Variants in DLEC1 observed in about 807,000 individuals in gnomAD.
The protein encoded by DLEC1 is DLEC1 cilia and flagella associated protein.
A neutral mutation model predicts 198.1 loss-of-function variants in DLEC1; 146 were observed. The observed-to-expected ratio is 0.74, with a 90% CI of 0.64 to 0.85. DLEC1 has a LOEUF of 0.85. Ranked by LOEUF, DLEC1 falls within the 40% of genes least tolerant of loss-of-function variation. DLEC1 has a pLI of 0.00. For missense variants in DLEC1, 2,233 were observed against 2,220.0 expected, an observed-to-expected ratio of 1.01 and a Z score of -0.12; for synonymous variants, 897 against 866.8, an observed-to-expected ratio of 1.03 and a Z score of -0.61.
chr3:38,109,446 T>C lies in DLEC1; in HGVS notation c.3144T>C (p.His1048=), dbSNP rs139466409. The part of the protein sequence containing the change: ...LTAHTQEELT[H]LALPCHVSGM... ...CTTTCTTATAGGAAGAGCTGACCCA[T>C]CTGGCCCTCCCTTGTCACGTGTCAG... Residue 1048 remains histidine, a synonymous_variant, in exon 22 of 37, where the codon CAT becomes CAC. Coordinates refer to ENST00000308059, the MANE Select transcript of DLEC1 (RefSeq NM_007335.4). 1.9e-6 allele frequency: 3 copies of C among 1,614,172 alleles called. No homozygotes were observed. The highest frequency in any genetic ancestry group is 2.5e-6 in the Non-Finnish European group (3 of 1,180,000).
At chr3:38,101,617 A>G (rs72867209) in intron 19 of DLEC1, among the ~76,000 whole-genome samples, 15,189 of 152,160 alleles carry the variant, frequency 0.1, 957 homozygotes, top group East Asian at 0.2. Context: ...ATGCTCTTGA[A>G]TTATCCTCCA....
At chr3:38,056,272 C>T (rs948848986) in intron 2 of DLEC1, among the ~76,000 whole-genome samples, 1 of 150,386 alleles carries the variant, frequency 6.6e-6, no homozygotes, top group Non-Finnish European at 1.5e-5. Flanking sequence ...CAAAAAAAAA[C>T]AATACTGTAG....
intron 19 of DLEC1, 72 bp from the exon 20 acceptor site, chr3:38,107,512 G>T: frequency 7.1e-7 from 1 of 1,414,172 alleles, no homozygotes; most frequent in East Asian, 2.6e-5. Context: ...TAGACTGCAT[G>T]TCATCTAGAA....
intron 6 of DLEC1, among the ~76,000 whole-genome samples, chr3:38,081,857 T>A (rs1575164170): frequency 8.7e-6 from 1 of 114,694 alleles, no homozygotes. Flanking sequence ...CCCCCCCACC[T>A]CCCTCCCGGA....
intron 11 of DLEC1, among the ~76,000 whole-genome samples, chr3:38,093,109 C>G (rs1439422154): frequency 2.6e-5 from 4 of 152,206 alleles, no homozygotes. Flanking sequence ...AAGGAGCCTT[C>G]TAGCAAGAGA....
chr3:38,059,302 G>A (rs753206936), intron 2 of DLEC1, among the ~76,000 whole-genome samples: 1 of 152,220 alleles, frequency 6.6e-6, no homozygotes, highest in Non-Finnish European at 1.5e-5. Context: ...AGGCTCAGCT[G>A]CACAAGTGCA....
rs1490957391 is a variant in DLEC1, at chr3:38,117,240, C to A, written c.4338C>A (p.Arg1446=). 3.7e-6 allele frequency: 6 copies of A among 1,614,030 alleles called. No individual in the cohort carries two copies. Among genetic ancestry groups the A allele is most frequent in the Non-Finnish European group, 5.1e-6 (6 of 1,180,008 alleles). ...GGGAGATTCCAGGGAAGAGGCATCGCCTGCAGGACTTTGCGGTGGGACCCC... is the reference window on the plus strand; with the variant it reads ...GGGAGATTCCAGGGAAGAGGCATCGACTGCAGGACTTTGCGGTGGGACCCC... ...VEREIPGKRH[R]LQDFAVGPLK... The change falls in exon 31 of 37, where the codon CGC becomes CGA. Residue 1446 remains arginine, a synonymous_variant. Coordinates refer to ENST00000308059, the MANE Select transcript of DLEC1 (RefSeq NM_007335.4).
intron 9 of DLEC1, among the ~76,000 whole-genome samples, chr3:38,087,273 T>C (rs1008566767): frequency 2.7e-5 from 4 of 148,766 alleles, no homozygotes; most frequent in African/African-American, 9.9e-5. Context: ...TCCATCAGCA[T>C]GCTCACACCA....
chr3:38,084,303 G>C, intron 7 of DLEC1, 58 bp downstream of exon 7: 1 of 1,440,228 alleles, frequency 6.9e-7, no homozygotes, highest in African/African-American at 1.4e-5. Context: ...GGTGGTATTA[G>C]TAGTAATAGT....
At chr3:38,084,359 GGTAGTAGTA>G in intron 7 of DLEC1, 114 bp downstream of exon 7, 3 of 851,182 alleles carry the variant, frequency 3.5e-6, no homozygotes, top group Non-Finnish European at 5.4e-6. Context: ...TAGTGGTGGT[GGTAGTAGTA>G]GTAGTGATGG....
At chr3:38,086,519 C>G (rs1698466212) in intron 9 of DLEC1, 142 bp downstream of exon 9, 2 of 1,152,106 alleles carry the variant, frequency 1.7e-6, no homozygotes, top group African/African-American at 3.1e-5. Context: ...ACTGCCACAA[C>G]CCGAATGAGA....
intron 19 of DLEC1, among the ~76,000 whole-genome samples, chr3:38,101,361 A>G (rs796971965): frequency 2.5e-4 from 38 of 152,306 alleles, no homozygotes; most frequent in African/African-American, 8.9e-4. Flanking sequence ...AGGCTGAGGC[A>G]GAAGAATCAC....
chr3:38,069,897 A>G (rs1697224637), intron 6 of DLEC1, among the ~76,000 whole-genome samples: 1 of 152,236 alleles, frequency 6.6e-6, no homozygotes, highest in Non-Finnish European at 1.5e-5. Context: ...AAATAAAAAT[A>G]GGAAGACATA....
chr3:38,101,490 TTTA>T (rs1257807264), intron 19 of DLEC1, among the ~76,000 whole-genome samples: 1 of 152,168 alleles, frequency 6.6e-6, no homozygotes, highest in African/African-American at 2.4e-5. Context: ...TAGATGTTGT[TTTA>T]TTATTCGTTA....
At chr3:38,061,547 T>C (rs894438568) in intron 3 of DLEC1, among the ~76,000 whole-genome samples, 1 of 152,230 alleles carries the variant, frequency 6.6e-6, no homozygotes, top group African/African-American at 2.4e-5. Context: ...CTGTGAGCTC[T>C]TCAGAAAGCA....
At chr3:38,053,835 T>G (rs1222681840) in intron 2 of DLEC1, among the ~76,000 whole-genome samples, 1 of 152,162 alleles carries the variant, frequency 6.6e-6, no homozygotes, top group Admixed American at 6.5e-5. Flanking sequence ...GAGACTCCAT[T>G]TTGTTCTGTA....
chr3:38,055,893 A>C (rs1248026129), intron 2 of DLEC1, among the ~76,000 whole-genome samples: 1 of 152,186 alleles, frequency 6.6e-6, no homozygotes, highest in Non-Finnish European at 1.5e-5. Flanking sequence ...GCCTTCTTTA[A>C]CAAGGTCCTA....
chr3:38,108,479 G>C lies in DLEC1; in HGVS notation c.3093G>C (p.Glu1031Asp). The C allele has an allele frequency of 6.2e-7, 1 of 1,614,198 alleles. No homozygotes were observed. The highest frequency in any genetic ancestry group is 1.7e-5 in the Admixed American group (1 of 60,028). Residue 1031 changes from glutamate (E) to aspartate (D), a missense_variant, in exon 21 of 37, where the codon GAG becomes GAC. Transcript: ENST00000308059. ...PKHGLLGPSE[E>D]CQLKLELTAH... Reference sequence around the variant, plus strand: ...ATGGCCTGCTGGGCCCAAGTGAGGAGTGCCAGCTCAAGTTGGAGTTGACTG... The same window carrying C: ...ATGGCCTGCTGGGCCCAAGTGAGGACTGCCAGCTCAAGTTGGAGTTGACTG...
At chr3:38,082,144 TCA>T (rs1384921152) in intron 6 of DLEC1, among the ~76,000 whole-genome samples, 1 of 147,746 alleles carries the variant, frequency 6.8e-6, no homozygotes, top group East Asian at 2.1e-4. Flanking sequence ...GAGGCGCTCC[TCA>T]CATCCCAGAT....
Sources: allele counts gnomAD v4.1 joint callset (sites outside exome capture counted in the v4.1 genomes callset), GRCh38; gene constraint gnomAD v4.1.1; transcripts MANE v1.5; gene names NCBI Gene and HGNC (gene_info 2026-07-23, HGNC 2026-07-21).